The following LHFPL3 variants were observed in gnomAD, a reference collection of about 807,000 sequenced individuals.
LHFPL3 encodes LHFPL tetraspan subfamily member 3 protein.
In LHFPL3, 5 loss-of-function variants were observed where a neutral mutation model predicts 19.3. The ratio of observed to expected loss-of-function variants is 0.26; its 90% CI spans 0.14 to 0.54. The LOEUF is 0.54. LHFPL3 is among the 20% of genes least tolerant of loss of function. The probability of loss-of-function intolerance (pLI) is 0.94; values close to 1 mark genes in which losing one functional copy is unlikely to be tolerated. For missense variants in LHFPL3, 249 were observed against 307.4 expected (o/e 0.81, Z 1.42); for synonymous variants, 133 against 126.2 (o/e 1.05, Z -0.36).
intron 2 of LHFPL3, among the ~76,000 whole-genome samples, chr7:104,885,375 T>A (rs1037126551): frequency 6.6e-6 from 1 of 152,168 alleles, no homozygotes; most frequent in African/African-American, 2.4e-5. Context: ...AACCTCTCCC[T>A]TGAATTCCAG....
At position 104,747,804 on chromosome 7, in the gene LHFPL3, T is replaced by C. The variant is rs531674799; in HGVS notation, c.682+10893T>C. 5.3e-5 allele frequency among the ~76,000 whole-genome samples: 8 copies of C among 152,294 alleles called. No individual in the cohort carries two copies. The South Asian group carries it at 1.0e-3, about 20-fold the overall frequency. On this transcript the variant is annotated intron_variant, in intron 2 of 2. Coordinates refer to ENST00000424859, the MANE Select transcript of LHFPL3 (RefSeq NM_199000.3). Reference sequence around the variant, plus strand: ...ATTTTCAGGTAGTAGCTATGGAGCTTCTAAGAGCATAATATTTACTTGGGA... The same window carrying C: ...ATTTTCAGGTAGTAGCTATGGAGCTCCTAAGAGCATAATATTTACTTGGGA...
At chr7:104,872,759 C>G (rs1451121893) in intron 2 of LHFPL3, among the ~76,000 whole-genome samples, 1 of 152,202 alleles carries the variant, frequency 6.6e-6, no homozygotes, top group Non-Finnish European at 1.5e-5. Context: ...GAGCTGTCAT[C>G]TTCTATGATA....
intron 1 of LHFPL3, among the ~76,000 whole-genome samples, chr7:104,332,897 A>G (rs1228084176): frequency 6.6e-6 from 1 of 152,008 alleles, no homozygotes; most frequent in Non-Finnish European, 1.5e-5. Context: ...AATGATAATA[A>G]GAGATATAAA....
intron 2 of LHFPL3, among the ~76,000 whole-genome samples, chr7:104,862,121 G>A (rs920209142): frequency 2.0e-5 from 3 of 151,906 alleles, no homozygotes; most frequent in African/African-American, 4.8e-5. Flanking sequence ...ACCTGACATG[G>A]AGATTAAAAA....
chr7:104,882,396 C>T (rs1584596180), intron 2 of LHFPL3, among the ~76,000 whole-genome samples: 1 of 152,132 alleles, frequency 6.6e-6, no homozygotes, highest in Non-Finnish European at 1.5e-5. Flanking sequence ...TACAGGCACA[C>T]ACCACCACAC....
In LHFPL3 at chr7:104,592,510, G is replaced by A. The variant is rs979279559; in HGVS notation, c.446-144165G>A. On this transcript the variant is annotated intron_variant, in intron 1 of 2. Coordinates refer to ENST00000424859, the MANE Select transcript of LHFPL3 (RefSeq NM_199000.3). ...CACCCAGCTGTATGAGGTGTCAGTCGGCCCCTACTGGGAAGTATCTCCCAG... is the reference window on the plus strand; with the variant it reads ...CACCCAGCTGTATGAGGTGTCAGTCAGCCCCTACTGGGAAGTATCTCCCAG... 9.2e-5 allele frequency among the ~76,000 whole-genome samples: 14 copies of A among 152,012 alleles called. No individual in the cohort carries two copies. In the East Asian group the frequency reaches 1.7e-3, roughly 19 times the overall value.
intron 1 of LHFPL3, among the ~76,000 whole-genome samples, chr7:104,568,652 A>T (rs1278708001): frequency 2.6e-5 from 4 of 152,114 alleles, no homozygotes; most frequent in Admixed American, 2.0e-4. Flanking sequence ...CTAACTCCTG[A>T]TTGCAGCCTA....
At chr7:104,465,292 A>G (rs978612237) in intron 1 of LHFPL3, among the ~76,000 whole-genome samples, 3 of 152,180 alleles carry the variant, frequency 2.0e-5, no homozygotes, top group African/African-American at 7.2e-5. Flanking sequence ...ACAAGTCACT[A>G]GGAAGTTCCA....
intron 1 of LHFPL3, among the ~76,000 whole-genome samples, chr7:104,734,216 G>A (rs578095258): frequency 6.6e-6 from 1 of 152,196 alleles, no homozygotes; most frequent in South Asian, 2.1e-4. Context: ...CTCCTCTCAG[G>A]GAGTATCTTT....
chr7:104,330,723 C>T (rs757550863), intron 1 of LHFPL3, among the ~76,000 whole-genome samples: 38 of 152,066 alleles, frequency 2.5e-4, no homozygotes, highest in African/African-American at 7.5e-4. Flanking sequence ...CCTTCTGCAC[C>T]CCCATCCCCA....
intron 2 of LHFPL3, among the ~76,000 whole-genome samples, chr7:104,897,291 G>C (rs111817960): frequency 3.3e-5 from 5 of 152,028 alleles, no homozygotes; most frequent in African/African-American, 1.2e-4. Context: ...CAGGGCCGTG[G>C]GTGTGTGTGC....
intron 1 of LHFPL3, among the ~76,000 whole-genome samples, chr7:104,708,778 A>G (rs967545718): frequency 6.6e-6 from 1 of 152,140 alleles, no homozygotes; most frequent in African/African-American, 2.4e-5. Context: ...GTTAAATTAT[A>G]TGTTGTTACA....
intron 2 of LHFPL3, among the ~76,000 whole-genome samples, chr7:104,876,217 T>A (rs1399090430): frequency 6.6e-6 from 1 of 152,110 alleles, no homozygotes; most frequent in Non-Finnish European, 1.5e-5. Flanking sequence ...GACACAGGCA[T>A]GGGCAAGGAC....
At chr7:104,584,903 C>T (rs1790535362) in intron 1 of LHFPL3, among the ~76,000 whole-genome samples, 1 of 152,174 alleles carries the variant, frequency 6.6e-6, no homozygotes, top group Non-Finnish European at 1.5e-5. Context: ...TTGAAATCCA[C>T]TGAAATCCAG....
intron 1 of LHFPL3, among the ~76,000 whole-genome samples, chr7:104,626,973 AT>A (rs993317665): frequency 7.2e-5 from 11 of 152,134 alleles, no homozygotes; most frequent in African/African-American, 2.7e-4. Context: ...TTCTCTTACC[AT>A]TTTTTTGTGG....
intron 2 of LHFPL3, among the ~76,000 whole-genome samples, chr7:104,824,814 AATGAT>A (rs1790784617): frequency 7.9e-6 from 1 of 126,212 alleles, no homozygotes; most frequent in Admixed American, 1.0e-4. Context: ...AAATATATAT[AATGAT>A]ATATTATATA....
chr7:104,562,131 C>T (rs1240031525), intron 1 of LHFPL3, among the ~76,000 whole-genome samples: 2 of 151,748 alleles, frequency 1.3e-5, no homozygotes, highest in Non-Finnish European at 2.9e-5. Flanking sequence ...TCCTTCATTT[C>T]AACTTTGGTG....
At chr7:104,899,086 G>A (rs867745027) in intron 2 of LHFPL3, among the ~76,000 whole-genome samples, 23 of 149,934 alleles carry the variant, frequency 1.5e-4, no homozygotes, top group African/African-American at 3.5e-4. Flanking sequence ...CTTGGTGACC[G>A]AGTGAGACCC....
intron 1 of LHFPL3, among the ~76,000 whole-genome samples, chr7:104,331,704 C>T (rs935294848): frequency 2.0e-5 from 3 of 152,080 alleles, no homozygotes; most frequent in African/African-American, 7.2e-5. Context: ...AATCTCAGCA[C>T]TTTGGGAGGC....
Sources: allele counts gnomAD v4.1 joint callset (sites outside exome capture counted in the v4.1 genomes callset), GRCh38; gene constraint gnomAD v4.1.1; transcripts MANE v1.5; gene names NCBI Gene and HGNC (gene_info 2026-07-23, HGNC 2026-07-21).